HERC2: variants seen among roughly 807,000 people sequenced by gnomAD.
The protein encoded by HERC2 is E3 ubiquitin-protein ligase HERC2.
A neutral mutation model predicts 537.7 loss-of-function variants in HERC2; 102 were observed. The ratio of observed to expected loss-of-function variants is 0.19; its 90% CI spans 0.16 to 0.22. The LOEUF (loss-of-function observed/expected upper bound fraction) is 0.22, where lower values mean the gene tolerates loss of function less well. Ranked by LOEUF, HERC2 falls within the 10% of genes least tolerant of loss-of-function variation. The probability of loss-of-function intolerance (pLI) is 1.00; values close to 1 mark genes in which losing one functional copy is unlikely to be tolerated. For missense variants in HERC2, 4,236 were observed against 6,198.2 expected (o/e 0.68, Z 10.63); for synonymous variants, 2,224 against 2,466.2 (o/e 0.90, Z 2.91).
intron 71 of HERC2, 30 bp from the exon 72 acceptor site, chr15:28,144,834 G>T (rs547683941): frequency 6.2e-7 from 1 of 1,613,612 alleles, no homozygotes; most frequent in Non-Finnish European, 8.5e-7. Flanking sequence ...CCCGGGGTTA[G>T]CTTCACTCCA....
rs2346093 is a variant in HERC2, at chr15:28,236,421, A to C, written c.4003+542T>G. Among the ~76,000 whole-genome samples the C allele has an allele frequency of 3.7e-3, 561 of 149,778 alleles. 4 individuals are homozygous for C. The highest frequency in any genetic ancestry group is 0.012 in the African/African-American group (472 of 40,696). On this transcript the variant is annotated intron_variant, in intron 26 of 92. Coordinates refer to ENST00000261609, the MANE Select transcript of HERC2 (RefSeq NM_004667.6). ...TTCTCCTACCTCAGCCTCCCGAGTA[A>C]CTGGGATTACAGGCACCCGTCACCA...
intron 2 of HERC2, 42 bp from the exon 3 acceptor site, chr15:28,299,558 T>C: frequency 9.9e-7 from 1 of 1,005,168 alleles, no homozygotes; most frequent in Non-Finnish European, 1.6e-6. Flanking sequence ...GTGCTCACAC[T>C]CACATTGCAA....
At chr15:28,317,910 A>T (rs1420020804) in intron 2 of HERC2, among the ~76,000 whole-genome samples, 3 of 152,198 alleles carry the variant, frequency 2.0e-5, no homozygotes, top group Admixed American at 1.3e-4. Context: ...ATTTCAAAAT[A>T]AAAAGTTTTT....
chr15:28,244,849 C>T (rs1329037389), intron 23 of HERC2, among the ~76,000 whole-genome samples: 2 of 152,032 alleles, frequency 1.3e-5, no homozygotes, highest in Non-Finnish European at 2.9e-5. Flanking sequence ...TGGTCTAAAA[C>T]ACGAGAAGAA....
chr15:28,115,958 G>C (rs750981244), intron 88 of HERC2, among the ~76,000 whole-genome samples: 5 of 152,210 alleles, frequency 3.3e-5, no homozygotes, highest in Non-Finnish European at 4.4e-5. Flanking sequence ...CAATGGCGAA[G>C]ACCTCACCCC....
chr15:28,270,025 G>T (rs200536152), intron 10 of HERC2, among the ~76,000 whole-genome samples: 7 of 152,170 alleles, frequency 4.6e-5, no homozygotes, highest in Non-Finnish European at 1.0e-4. Flanking sequence ...GCAATGGCGC[G>T]ATCTTGGCTC....
At chr15:28,165,055 A>G (rs1445961153) in intron 68 of HERC2, among the ~76,000 whole-genome samples, 3 of 152,242 alleles carry the variant, frequency 2.0e-5, no homozygotes, top group Non-Finnish European at 4.4e-5. Flanking sequence ...AGTACACATG[A>G]GCAGGGGCTG....
At chr15:28,279,158 A>C (rs1452211351) in intron 5 of HERC2, among the ~76,000 whole-genome samples, 5 of 152,180 alleles carry the variant, frequency 3.3e-5, no homozygotes, top group Non-Finnish European at 5.9e-5. Flanking sequence ...AGCCCCGGCT[A>C]ATTTTTTTAT....
intron 2 of HERC2, among the ~76,000 whole-genome samples, chr15:28,303,457 G>A (rs1264537712): frequency 6.6e-6 from 1 of 152,170 alleles, no homozygotes; most frequent in African/African-American, 2.4e-5. Context: ...GGAAGTGACT[G>A]TAGTATAATT....
chr15:28,248,381 T>TA (rs1248544233), intron 21 of HERC2, among the ~76,000 whole-genome samples, 171 bp downstream of exon 21: 12 of 152,314 alleles, frequency 7.9e-5, no homozygotes, highest in Middle Eastern at 3.4e-3. Context: ...TTAACGAGGC[T>TA]ATTATAGAAA....
chr15:28,226,514 A>G (rs1901186258), intron 35 of HERC2, among the ~76,000 whole-genome samples: 2 of 152,208 alleles, frequency 1.3e-5, no homozygotes, highest in African/African-American at 4.8e-5. Context: ...GGGAAAGAAC[A>G]GTCCTCAACA....
At position 28,130,587 on chromosome 15, in the gene HERC2, G is replaced by A. The variant is rs767351413; in HGVS notation, c.12578C>T (p.Ser4193Phe). The change falls in exon 82 of 93, where the codon TCT (serine) becomes TTT (phenylalanine). Residue 4193 changes from serine (S) to phenylalanine (F), a missense_variant. This residue lies in a region of HERC2 where 38 missense variants were observed against 36.7 expected (regional missense o/e 1.04). Coordinates refer to ENST00000261609, the MANE Select transcript of HERC2 (RefSeq NM_004667.6). ...TTTAACTACTCCAAGACCAGTAAGA[G>A]AATCAATCTAGAGGGGGAAAAGGTT... ...DGCKVPMKID[S>F]LTGLGVVKVE... The A allele has an allele frequency of 6.2e-7, 1 of 1,612,324 alleles. No homozygotes were observed. Among genetic ancestry groups the A allele is most frequent in the Non-Finnish European group, 8.5e-7 (1 of 1,178,324 alleles).
intron 70 of HERC2, among the ~76,000 whole-genome samples, chr15:28,149,517 C>A (rs892822778): frequency 6.7e-6 from 1 of 149,724 alleles, no homozygotes; most frequent in Non-Finnish European, 1.5e-5. Flanking sequence ...AAAAAACACA[C>A]GCGGCTCCTA....
In HERC2 at chr15:28,179,047, C is replaced by G. The variant is rs1379117642; in HGVS notation, c.9020-17G>C. On this transcript the variant is annotated splice_polypyrimidine_tract_variant and intron_variant, in intron 58 of 92. Transcript: ENST00000261609. ...CCACAGTCACTGCAAGGAACGACAG[C>G]CAGGAGAGGACTCTCTTTTCACAAC... The G allele has an allele frequency of 1.2e-6, 2 of 1,611,614 alleles. No individual in the cohort carries two copies. Among genetic ancestry groups the G allele is most frequent in the African/African-American group, 2.7e-5 (2 of 74,768 alleles).
chr15:28,188,733 T>C (rs1896555660), intron 55 of HERC2, among the ~76,000 whole-genome samples: 1 of 152,038 alleles, frequency 6.6e-6, no homozygotes, highest in South Asian at 2.1e-4. Flanking sequence ...TTGATAAATG[T>C]TGAAGCTGGG....
chr15:28,218,602 T>C lies in HERC2; in HGVS notation c.5915A>G (p.Gln1972Arg). ...MMFTSTINLL[Q>R]TLCLSAGVHA... is the part of the protein sequence containing the mutation. ...AACTCCAGCAGACAGACAAAGAGTC[T>C]GCAGTAAGTTAATAGTGCTGGTAAA... The change falls in exon 38 of 93, where the codon CAG becomes CGG. Residue 1972 changes from glutamine (Q) to arginine (R), a missense_variant. Around this residue, in one of 27 missense-constraint regions of HERC2, gnomAD observed 365 missense variants for 468.8 expected, o/e 0.78. Coordinates refer to ENST00000261609, the MANE Select transcript of HERC2 (RefSeq NM_004667.6). 3.1e-6 allele frequency: 5 copies of C among 1,595,324 alleles called. No individual in the cohort carries two copies. The highest frequency in any genetic ancestry group is 4.2e-6 in the Non-Finnish European group (5 of 1,177,082).
chr15:28,183,852 G>A (rs1896047650), intron 56 of HERC2, among the ~76,000 whole-genome samples: 1 of 152,138 alleles, frequency 6.6e-6, no homozygotes, highest in South Asian at 2.1e-4. Context: ...GCAAGCATAA[G>A]CACAAAATAT....
chr15:28,305,956 T>G (rs952295229), intron 2 of HERC2, among the ~76,000 whole-genome samples: 7 of 152,164 alleles, frequency 4.6e-5, no homozygotes, highest in South Asian at 2.1e-4. Context: ...ATCAGAGAAA[T>G]GCAAATCAAA....
intron 2 of HERC2, among the ~76,000 whole-genome samples, chr15:28,313,212 G>A (rs1462196176): frequency 4.1e-5 from 2 of 49,002 alleles, no homozygotes; most frequent in Non-Finnish European, 1.0e-4. Flanking sequence ...TTTTTTTTTT[G>A]AGACAGAGTC....
Sources: allele counts gnomAD v4.1 joint callset (sites outside exome capture counted in the v4.1 genomes callset), GRCh38; gene constraint gnomAD v4.1.1; regional missense constraint gnomAD v4.1.1; transcripts MANE v1.5; gene names NCBI Gene and HGNC (gene_info 2026-07-23, HGNC 2026-07-21).